Variants in PDE8B observed in about 807,000 individuals in gnomAD.
PDE8B encodes the protein phosphodiesterase 8B, also known as high affinity cAMP-specific and IBMX-insensitive 3',5'-cyclic phosphodiesterase 8B.
Under a neutral mutation model 101.3 loss-of-function variants are expected in PDE8B, and 26 were observed. The ratio of observed to expected loss-of-function variants is 0.26; its 90% CI spans 0.19 to 0.36. The LOEUF (loss-of-function observed/expected upper bound fraction) is 0.36, where lower values mean the gene tolerates loss of function less well. PDE8B is among the 10% of genes least tolerant of loss of function. The probability of loss-of-function intolerance (pLI) is 1.00; values close to 1 mark genes in which losing one functional copy is unlikely to be tolerated. For synonymous variants in PDE8B, 424 were observed against 429.3 expected (o/e 0.99, Z 0.15); for missense variants, 810 against 1,163.1 (o/e 0.70, Z 4.42).
chr5:77,309,830 G>A (rs1772135106), intron 1 of PDE8B, among the ~76,000 whole-genome samples: 1 of 151,550 alleles, frequency 6.6e-6, no homozygotes, highest in Non-Finnish European at 1.5e-5. Flanking sequence ...ATGTTGGCCA[G>A]GCTGGTCTCA....
chr5:77,201,895 A>C, the PDE8B span, among the ~76,000 whole-genome samples: 54 of 152,334 alleles, frequency 3.5e-4, 1 homozygote, highest in African/African-American at 1.3e-3. Flanking sequence ...GTCTCAGGTA[A>C]AGGTGCCAGC....
In PDE8B at chr5:77,291,493, A is replaced by G. The variant is rs557827628; in HGVS notation, c.340-20501A>G. ...TTTGCTCCGATTCTGTATGTCTTTA[A>G]ATTCAAGAATGAAGAAGAGGTCTTT... is the stretch of plus-strand genomic sequence containing the variant. On this transcript the variant is annotated intron_variant, in intron 1 of 21. Coordinates refer to ENST00000264917, the MANE Select transcript of PDE8B (RefSeq NM_003719.5). The G allele has an allele frequency of 9.9e-6, 16 of 1,610,068 alleles. No individual in the cohort carries two copies. The East Asian group carries it at 3.3e-4, about 34-fold the overall frequency.
At chr5:77,189,092 G>C in the PDE8B span, among the ~76,000 whole-genome samples, 2 of 152,160 alleles carry the variant, frequency 1.3e-5, no homozygotes, top group Non-Finnish European at 2.9e-5. Context: ...AGCAAGCACT[G>C]CTGTCATTCA....
At chr5:77,426,056 C>A (rs539314290) in intron 21 of PDE8B, 160 bp downstream of exon 21, 27 of 698,554 alleles carry the variant, frequency 3.9e-5, no homozygotes, top group Non-Finnish European at 5.6e-5. Flanking sequence ...TTCTTTGCAT[C>A]CCCAGCAGCT....
the PDE8B span, among the ~76,000 whole-genome samples, chr5:77,183,304 G>A: frequency 2.0e-5 from 3 of 152,036 alleles, no homozygotes; most frequent in African/African-American, 7.3e-5. Context: ...ATTTTCAGTA[G>A]AGACAGGGTT....
intron 1 of PDE8B, among the ~76,000 whole-genome samples, chr5:77,218,239 T>G (rs192764744): frequency 2.0e-5 from 3 of 152,250 alleles, no homozygotes; most frequent in South Asian, 2.1e-4. Context: ...AGGATAGCTA[T>G]AATAATATTA....
intron 6 of PDE8B, among the ~76,000 whole-genome samples, chr5:77,343,963 A>G (rs996057313): frequency 2.0e-5 from 3 of 151,218 alleles, no homozygotes; most frequent in East Asian, 1.9e-4. Flanking sequence ...AGGATCATCA[A>G]TATCACTGAC....
the PDE8B span, among the ~76,000 whole-genome samples, chr5:77,170,350 G>A: frequency 2.8e-4 from 42 of 152,292 alleles, no homozygotes; most frequent in Admixed American, 1.0e-3. Context: ...CTCTTAAGGA[G>A]CTCATGGTCT....
intron 1 of PDE8B, among the ~76,000 whole-genome samples, chr5:77,283,196 G>GA (rs1765359669): frequency 6.6e-6 from 1 of 152,098 alleles, no homozygotes; most frequent in Non-Finnish European, 1.5e-5. Context: ...ATTCACAGCA[G>GA]AATTTTGCAG....
chr5:77,414,637 G>A (rs912029739), intron 17 of PDE8B, among the ~76,000 whole-genome samples: 4 of 143,268 alleles, frequency 2.8e-5, no homozygotes, highest in African/African-American at 1.0e-4. Flanking sequence ...TCACCATGTT[G>A]GCCAGGATGG....
chr5:77,361,227 T>C (rs572477133), intron 10 of PDE8B, among the ~76,000 whole-genome samples: 4 of 152,298 alleles, frequency 2.6e-5, no homozygotes, highest in East Asian at 1.9e-4. Flanking sequence ...TAAACAGCCA[T>C]GAAGGGAGTA....
chr5:77,181,986 G>C, the PDE8B span, among the ~76,000 whole-genome samples: 3 of 151,964 alleles, frequency 2.0e-5, no homozygotes, highest in African/African-American at 7.3e-5. Context: ...GTAGAGGTTC[G>C]GTTTTCCAAG....
At position 77,427,243 on chromosome 5, in the gene PDE8B, C is replaced by G. The variant is rs937932685; in HGVS notation, c.*689C>G. Reference sequence around the variant, plus strand: ...CCCCTTTCCTGTAAAAGGGGTTCATCTTAACAAAGTCATCCATGATGAGGG... The same window carrying G: ...CCCCTTTCCTGTAAAAGGGGTTCATGTTAACAAAGTCATCCATGATGAGGG... On this transcript the variant is annotated 3_prime_UTR_variant, in exon 22 of 22. Transcript: ENST00000264917. The G allele has an allele frequency of 6.6e-6, 1 of 152,368 alleles. No individual in the cohort carries two copies. The highest frequency in any genetic ancestry group is 1.5e-5 in the Non-Finnish European group (1 of 68,016). The allele number at this position is 152,368 out of a possible 1,614,324, so 9.4% of individuals were successfully genotyped here.
chr5:77,190,166 C>T, the PDE8B span, among the ~76,000 whole-genome samples: 1 of 152,158 alleles, frequency 6.6e-6, no homozygotes, highest in Non-Finnish European at 1.5e-5. Flanking sequence ...TGGTTGTTAT[C>T]AAGGGTGATT....
chr5:77,205,110 A>AGG, the PDE8B span, among the ~76,000 whole-genome samples: 1 of 152,118 alleles, frequency 6.6e-6, no homozygotes, highest in East Asian at 1.9e-4. Flanking sequence ...GGAAGGACAG[A>AGG]TCACTTTTGT....
At chr5:77,110,556 A>G in the PDE8B span, among the ~76,000 whole-genome samples, 1 of 152,150 alleles carries the variant, frequency 6.6e-6, no homozygotes, top group African/African-American at 2.4e-5. Flanking sequence ...TGCATCCCCA[A>G]TTTCATGTTG....
At chr5:77,269,538 A>T (rs1762379833) in intron 1 of PDE8B, among the ~76,000 whole-genome samples, 1 of 152,144 alleles carries the variant, frequency 6.6e-6, no homozygotes, top group African/African-American at 2.4e-5. Flanking sequence ...ATTACTCAAG[A>T]AATCTTTGCC....
the PDE8B span, among the ~76,000 whole-genome samples, chr5:77,122,829 A>G: frequency 6.6e-6 from 1 of 152,236 alleles, no homozygotes; most frequent in Non-Finnish European, 1.5e-5. Context: ...AACAAAATGT[A>G]GGAAAAAAAC....
chr5:77,363,581 G>A (rs191120426), intron 10 of PDE8B, among the ~76,000 whole-genome samples: 15 of 152,070 alleles, frequency 9.9e-5, no homozygotes, highest in Admixed American at 5.9e-4. Flanking sequence ...GCATGGTGGC[G>A]GGTGCCTGTA....
Sources: allele counts gnomAD v4.1 joint callset (sites outside exome capture counted in the v4.1 genomes callset), GRCh38; gene constraint gnomAD v4.1.1; transcripts MANE v1.5; gene names NCBI Gene and HGNC (gene_info 2026-07-23, HGNC 2026-07-21).